SLC3A2: variants seen among roughly 807,000 people sequenced by gnomAD.
SLC3A2 encodes the protein amino acid transporter heavy chain SLC3A2.
A neutral mutation model predicts 48.5 loss-of-function variants in SLC3A2; 32 were observed. That is an observed-to-expected ratio of 0.66 (90% CI 0.50 to 0.89). The LOEUF (loss-of-function observed/expected upper bound fraction) is 0.89, where lower values mean the gene tolerates loss of function less well. SLC3A2 is among the 40% of genes least tolerant of loss of function. The probability of loss-of-function intolerance (pLI) is 0.00; values close to 1 mark genes in which losing one functional copy is unlikely to be tolerated. For missense variants in SLC3A2, 587 were observed against 680.7 expected (o/e 0.86, Z 1.53); for synonymous variants, 277 against 288.8 (o/e 0.96, Z 0.41).
At chr11:62,866,662 C>A (rs1199974391) in intron 1 of SLC3A2, among the ~76,000 whole-genome samples, 2 of 152,142 alleles carry the variant, frequency 1.3e-5, no homozygotes, top group Non-Finnish European at 2.9e-5. Context: ...TCCCAAAGTG[C>A]TGAGATTACA....
chr11:62,876,283 G>T (rs1007644999), upstream of SLC3A2, among the ~76,000 whole-genome samples: 9 of 152,190 alleles, frequency 5.9e-5, no homozygotes, highest in Non-Finnish European at 1.2e-4. Context: ...GGTTAGAAAG[G>T]AACTTTCTTT....
intron 1 of SLC3A2, among the ~76,000 whole-genome samples, chr11:62,862,246 G>A (rs1348123710): frequency 6.7e-6 from 1 of 150,320 alleles, no homozygotes; most frequent in Non-Finnish European, 1.5e-5. Context: ...GAACCTGGGA[G>A]GTGGAGGCAA....
At chr11:62,863,067 G>C (rs1409140647) in intron 1 of SLC3A2, among the ~76,000 whole-genome samples, 1 of 151,896 alleles carries the variant, frequency 6.6e-6, no homozygotes, top group Non-Finnish European at 1.5e-5. Context: ...GATTACAGGC[G>C]CTGCAACCAC....
At chr11:62,876,295 T>A (rs982386994), upstream of SLC3A2, among the ~76,000 whole-genome samples, 7 of 152,252 alleles carry the variant, frequency 4.6e-5, no homozygotes, top group African/African-American at 1.4e-4. Context: ...ACTTTCTTTA[T>A]ATACTTGGCC....
chr11:62,880,799 C>A (rs952548212), upstream of SLC3A2: 7 of 880,104 alleles, frequency 8.0e-6, no homozygotes, highest in Non-Finnish European at 1.1e-5. Context: ...TACCCTGAGC[C>A]GCCCACGGCT....
rs897013786 is a variant in SLC3A2, at chr11:62,881,746, T to G, written c.425-147T>G. 1.1e-6 allele frequency: 1 copy of G among 931,290 alleles called. No homozygotes were observed. Among genetic ancestry groups the G allele is most frequent in the African/African-American group, 1.7e-5 (1 of 60,338 alleles). 57.7% of individuals were successfully genotyped at this position (931,290 alleles called of 1,614,324 possible). On this transcript the variant is annotated intron_variant, in intron 1 of 8. Transcript: ENST00000338663. This position sits in a 1 kb window ranked among gnomAD's most constrained non-coding sequence, Gnocchi z 4.0. ...AATGTGCAGGACTCCTTACATCAGC[T>G]CCTCTGAGTCTCGTGATTCAGCCTT... is the stretch of plus-strand genomic sequence containing the variant.
chr11:62,881,042 G>T lies in SLC3A2; in HGVS notation c.19G>T (p.Val7Leu). ...AGGCACCATGAGCCAGGACACCGAG[G>T]TGGATATGAAGGAGGTGGAGCTGAA... MSQDTE[V>L]DMKEVELNEL... The change falls in exon 1 of 9, where the codon GTG (valine) becomes TTG (leucine). Residue 7 changes from valine (V) to leucine (L), a missense_variant. Around this residue, in one of 3 missense-constraint regions of SLC3A2, gnomAD observed 409 missense variants for 446.7 expected, o/e 0.92. Coordinates refer to ENST00000338663, the MANE Select transcript of SLC3A2 (RefSeq NM_001013251.3). This position sits in a 1 kb window ranked among gnomAD's most constrained non-coding sequence, Gnocchi z 4.0. 2 of 1,579,456 alleles carry T rather than the reference G, an allele frequency of 1.3e-6. No homozygotes were observed. The highest frequency in any genetic ancestry group is 1.7e-6 in the Non-Finnish European group (2 of 1,160,010).
chr11:62,885,699 G>A (rs1168787930), intron 7 of SLC3A2, 91 bp downstream of exon 7: 1 of 1,441,954 alleles, frequency 6.9e-7, no homozygotes, highest in African/African-American at 1.4e-5. Flanking sequence ...CGTGAGCCTT[G>A]GGGTGAAAAC....
intron 1 of SLC3A2, among the ~76,000 whole-genome samples, chr11:62,866,414 G>T (rs761022216): frequency 6.6e-6 from 1 of 151,390 alleles, no homozygotes; most frequent in Non-Finnish European, 1.5e-5. Context: ...TTGGCAGGTG[G>T]GGGGGTGGTC....
At chr11:62,859,604 A>G (rs1173148949) in intron 1 of SLC3A2, among the ~76,000 whole-genome samples, 2 of 151,950 alleles carry the variant, frequency 1.3e-5, no homozygotes, top group African/African-American at 4.8e-5. Flanking sequence ...GAGGCAGGAG[A>G]AGTGGTTGAA....
In SLC3A2 at chr11:62,888,674, G is replaced by A. The variant is rs1178729674; in HGVS notation, c.1571G>A (p.Arg524His). The A allele has an allele frequency of 9.4e-6, 15 of 1,597,548 alleles. No individual in the cohort carries two copies. The highest frequency in any genetic ancestry group is 9.4e-5 in the African/African-American group (7 of 74,856). Residue 524 changes from arginine (R) to histidine (H), a missense_variant, in exon 9 of 9, where the codon CGC becomes CAC. By Grantham distance (29) the Arg-to-His change is conservative. This residue lies in a region of SLC3A2 where 169 missense variants were observed against 204.4 expected (regional missense o/e 0.83). Transcript: ENST00000338663. ...GAGCCTCACGAAGGGCTGCTGCTCC[G>A]CTTCCCCTACGCGGCCTGACTTCAG... is the stretch of plus-strand genomic sequence containing the variant. ...KLEPHEGLLLRFPYAA is the reference protein window; with the variant it reads ...KLEPHEGLLLHFPYAA
chr11:62,887,360 A>G (rs563818314), intron 7 of SLC3A2, among the ~76,000 whole-genome samples: 1 of 152,246 alleles, frequency 6.6e-6, no homozygotes, highest in South Asian at 2.1e-4. Context: ...GAGGGGCAAC[A>G]GTGTATGTGT....
At position 62,888,621 on chromosome 11, in the gene SLC3A2, C is replaced by T; in HGVS notation, c.1518C>T (p.Ser506=). Residue 506 remains serine, a synonymous_variant, in exon 9 of 9, where the codon TCC becomes TCT. Coordinates refer to ENST00000338663, the MANE Select transcript of SLC3A2 (RefSeq NM_001013251.3). ...CCCAGCCAGGCCGTGAGGAGGGCTC[C>T]CCTCTTGAGCTGGAACGCCTGAAAC... The part of the protein sequence containing the change: ...LSTQPGREEG[S]PLELERLKLE... 6.2e-7 allele frequency: 1 copy of T among 1,609,930 alleles called. No homozygotes were observed. The highest frequency in any genetic ancestry group is 2.2e-5 in the East Asian group (1 of 44,882).
chr11:62,860,252 A>G (rs796986256), intron 1 of SLC3A2, among the ~76,000 whole-genome samples: 1 of 152,162 alleles, frequency 6.6e-6, no homozygotes, highest in Non-Finnish European at 1.5e-5. Flanking sequence ...CTGTAATCCC[A>G]GCACTTTGGG....
At chr11:62,865,365 C>T (rs891918160) in intron 1 of SLC3A2, among the ~76,000 whole-genome samples, 13 of 151,932 alleles carry the variant, frequency 8.6e-5, no homozygotes, top group Non-Finnish European at 1.9e-4. Flanking sequence ...CCAGCCTGGC[C>T]AATGTGGCGA....
chr11:62,871,074 G>A (rs1263709805), intron 1 of SLC3A2, among the ~76,000 whole-genome samples: 1 of 150,476 alleles, frequency 6.6e-6, no homozygotes, highest in Non-Finnish European at 1.5e-5. Flanking sequence ...TAGTAGAGAC[G>A]AGTTTCAGCA....
rs2085644001 is a variant in SLC3A2, at chr11:62,881,835, TG to T, written c.425-54del. 6.4e-7 allele frequency: 1 copy of T among 1,563,076 alleles called. No homozygotes were observed. The highest frequency in any genetic ancestry group is 8.7e-7 in the Non-Finnish European group (1 of 1,143,330). On this transcript the variant is annotated intron_variant, in intron 1 of 8. Transcript: ENST00000338663. This position sits in a 1 kb window ranked among gnomAD's most constrained non-coding sequence, Gnocchi z 4.0. Reference sequence around the variant, plus strand: ...CCTTAGGCGCTGGGAGAAGGGAGGGTGGGGAGGTCAGGGGCCTCTCAGAGGG... The same window carrying T: ...CCTTAGGCGCTGGGAGAAGGGAGGGTGGGAGGTCAGGGGCCTCTCAGAGGG...
exon 1 of SLC3A2, chr11:62,856,374 C>T: frequency 6.2e-7 from 1 of 1,610,356 alleles, no homozygotes; most frequent in Non-Finnish European, 8.5e-7. Flanking sequence ...GCGCGGGGGA[C>T]GACTCAGGTA....
intron 1 of SLC3A2, among the ~76,000 whole-genome samples, chr11:62,869,523 C>CAAAAA (rs57962693): frequency 1.3e-3 from 72 of 53,698 alleles, no homozygotes; most frequent in Non-Finnish European, 1.7e-3. Flanking sequence ...GACTCCATCT[C>CAAAAA]AAAAAAAAAA....
Sources: gnomAD v4.1 joint callset for allele counts (sites outside exome capture counted in the v4.1 genomes callset) on GRCh38, gnomAD v4.1.1 for gene constraint, gnomAD v4.1.1 regional missense constraint, Gnocchi (gnomAD v3.1) non-coding constraint, MANE v1.5 for transcripts, NCBI Gene and HGNC (gene_info 2026-07-23, HGNC 2026-07-21) for gene names.